Variants in NLGN1 observed in about 807,000 individuals in gnomAD.
NLGN1 encodes the protein neuroligin 1.
NLGN1 carries 12 observed loss-of-function variants against 65.5 expected under a neutral mutation model. That is an observed-to-expected ratio of 0.18 (90% CI 0.12 to 0.30). The LOEUF (loss-of-function observed/expected upper bound fraction) is 0.30, where lower values mean the gene tolerates loss of function less well. Among genes scored for constraint, NLGN1 ranks in the 10% least tolerant of loss-of-function variants. The probability of loss-of-function intolerance (pLI) is 1.00; values close to 1 mark genes in which losing one functional copy is unlikely to be tolerated. For synonymous variants in NLGN1, 350 were observed against 359.5 expected (o/e 0.97, Z 0.30); for missense variants, 750 against 1,007.1 (o/e 0.74, Z 3.46).
At chr3:174,205,090 T>C (rs965070097) in intron 4 of NLGN1, among the ~76,000 whole-genome samples, 5 of 152,176 alleles carry the variant, frequency 3.3e-5, no homozygotes, top group Admixed American at 3.3e-4. Context: ...TTTTATTAAT[T>C]TGAATATGAT....
chr3:173,634,367 A>G (rs1339710922), intron 3 of NLGN1, among the ~76,000 whole-genome samples: 1 of 152,158 alleles, frequency 6.6e-6, no homozygotes, highest in Admixed American at 6.6e-5. Flanking sequence ...TCCAAAATAT[A>G]TGGTCACTAT....
intron 4 of NLGN1, among the ~76,000 whole-genome samples, chr3:174,194,862 C>CTTTTTTTTTT (rs371935591): frequency 1.6e-5 from 2 of 127,648 alleles, no homozygotes; most frequent in African/African-American, 3.0e-5. Context: ...TTTCTTTTTT[C>CTTTTTTTTTT]TTTTTTCTTT....
At chr3:173,602,987 A>T (rs1750786292) in intron 2 of NLGN1, among the ~76,000 whole-genome samples, 1 of 152,146 alleles carries the variant, frequency 6.6e-6, no homozygotes, top group Non-Finnish European at 1.5e-5. Flanking sequence ...AAAGACATTT[A>T]TCTCCTTATA....
intron 3 of NLGN1, among the ~76,000 whole-genome samples, chr3:173,650,713 T>C (rs749261032): frequency 6.6e-6 from 1 of 152,306 alleles, no homozygotes; most frequent in East Asian, 1.9e-4. Flanking sequence ...ATTACAAATA[T>C]TTATGTTTTC....
intron 4 of NLGN1, among the ~76,000 whole-genome samples, chr3:173,976,440 A>G (rs1159514542): frequency 6.6e-6 from 1 of 152,054 alleles, no homozygotes; most frequent in Non-Finnish European, 1.5e-5. Flanking sequence ...GAGCTATTAC[A>G]GACAATGTAC....
chr3:173,836,762 A>G (rs1265685179), intron 4 of NLGN1, among the ~76,000 whole-genome samples: 3 of 152,178 alleles, frequency 2.0e-5, no homozygotes, highest in Admixed American at 6.5e-5. Flanking sequence ...TAATCTTTCT[A>G]TATTCACAAA....
intron 4 of NLGN1, among the ~76,000 whole-genome samples, chr3:173,850,387 G>T (rs1726674929): frequency 6.6e-6 from 1 of 152,146 alleles, no homozygotes; most frequent in South Asian, 2.1e-4. Flanking sequence ...TGGGGCACAA[G>T]TTCTCTCTCT....
intron 4 of NLGN1, among the ~76,000 whole-genome samples, chr3:174,064,357 G>A (rs1738045008): frequency 6.6e-6 from 1 of 151,926 alleles, no homozygotes. Flanking sequence ...AAAGGAAAAG[G>A]AAAATAATTC....
At chr3:173,800,415 C>G (rs1345841198) in intron 3 of NLGN1, 1 of 523,338 alleles carries the variant, frequency 1.9e-6, no homozygotes. Flanking sequence ...CCACCCCTTT[C>G]TATTTTTTTA....
At chr3:173,399,823 A>C (rs1560198975) in intron 1 of NLGN1, 1 of 152,194 alleles carries the variant, frequency 6.6e-6, no homozygotes, top group Non-Finnish European at 1.5e-5. Context: ...CTGAGATCTG[A>C]GTTTTTTATA....
chr3:173,827,787 G>T (rs2150572599), intron 4 of NLGN1, among the ~76,000 whole-genome samples: 1 of 152,064 alleles, frequency 6.6e-6, no homozygotes, highest in African/African-American at 2.4e-5. Flanking sequence ...GTAGTTCAGT[G>T]TGAGTCTTAC....
chr3:173,906,189 A>T (rs1039059027), intron 4 of NLGN1, among the ~76,000 whole-genome samples: 1 of 152,216 alleles, frequency 6.6e-6, no homozygotes, highest in Non-Finnish European at 1.5e-5. Flanking sequence ...TGCCACAGTC[A>T]GAATTTGAAT....
intron 3 of NLGN1, among the ~76,000 whole-genome samples, chr3:173,668,520 G>A (rs1192667563): frequency 6.6e-6 from 1 of 152,108 alleles, no homozygotes; most frequent in Admixed American, 6.5e-5. Flanking sequence ...TGTCTTTGAG[G>A]AAGACAACCC....
At chr3:174,008,048 G>A (rs1724806996) in intron 4 of NLGN1, among the ~76,000 whole-genome samples, 1 of 151,924 alleles carries the variant, frequency 6.6e-6, no homozygotes, top group Non-Finnish European at 1.5e-5. Context: ...CCCTAAGAAT[G>A]AACTCTCAGA....
chr3:173,975,321 C>T (rs1159647093), intron 4 of NLGN1, among the ~76,000 whole-genome samples: 1 of 151,984 alleles, frequency 6.6e-6, no homozygotes, highest in Non-Finnish European at 1.5e-5. Flanking sequence ...TTGCCCTTCA[C>T]TCCTATCTGC....
chr3:174,074,490 T>G (rs1053081251), intron 4 of NLGN1, among the ~76,000 whole-genome samples: 5 of 152,200 alleles, frequency 3.3e-5, no homozygotes, highest in African/African-American at 1.2e-4. Flanking sequence ...GTTTAAATTC[T>G]GGGTGATTAC....
At chr3:174,181,010 G>C (rs966541023) in intron 4 of NLGN1, among the ~76,000 whole-genome samples, 7 of 152,206 alleles carry the variant, frequency 4.6e-5, no homozygotes, top group African/African-American at 1.4e-4. Context: ...TTACATCACT[G>C]CAGGCAAAGA....
chr3:173,477,213 G>A, intron 2 of NLGN1, among the ~76,000 whole-genome samples: 1 of 152,114 alleles, frequency 6.6e-6, no homozygotes, highest in South Asian at 2.1e-4. Context: ...CATATAGGTG[G>A]AAGGTGAAGC....
intron 4 of NLGN1, among the ~76,000 whole-genome samples, chr3:174,055,326 C>T (rs1344008709): frequency 6.6e-6 from 1 of 151,398 alleles, no homozygotes; most frequent in African/African-American, 2.4e-5. Context: ...GGAAAGTTGT[C>T]GCTGAAAAAA....
Sources: gnomAD v4.1 joint callset for allele counts (sites outside exome capture counted in the v4.1 genomes callset) on GRCh38, gnomAD v4.1.1 for gene constraint, MANE v1.5 for transcripts, NCBI Gene and HGNC (gene_info 2026-07-23, HGNC 2026-07-21) for gene names.